The following ADAMTS6 variants were observed in gnomAD, a reference collection of about 807,000 sequenced individuals.
ADAMTS6 encodes the protein ADAM metallopeptidase with thrombospondin type 1 motif 6.
Under a neutral mutation model 144.3 loss-of-function variants are expected in ADAMTS6, and 23 were observed. The observed-to-expected ratio is 0.16, with a 90% CI of 0.11 to 0.23. ADAMTS6 has a LOEUF of 0.23. Among genes scored for constraint, ADAMTS6 ranks in the 10% least tolerant of loss-of-function variants. The pLI, the probability that ADAMTS6 is intolerant of heterozygous loss-of-function variation, is 1.00. For synonymous variants in ADAMTS6, 444 were observed against 457.5 expected, an observed-to-expected ratio of 0.97 and a Z score of 0.38; for missense variants, 999 against 1,379.6, an observed-to-expected ratio of 0.72 and a Z score of 4.37.
At chr5:65,301,407 T>C (rs1175640364) in intron 9 of ADAMTS6, among the ~76,000 whole-genome samples, 2 of 152,154 alleles carry the variant, frequency 1.3e-5, no homozygotes, top group Non-Finnish European at 1.5e-5. Context: ...ATGAGGATAG[T>C]TGCTGGAGAA....
chr5:65,180,447 T>G (rs1161019580), intron 22 of ADAMTS6, among the ~76,000 whole-genome samples: 1 of 152,182 alleles, frequency 6.6e-6, no homozygotes, highest in Non-Finnish European at 1.5e-5. Flanking sequence ...AACCTGGTGC[T>G]GCCTCACTCT....
At chr5:65,402,693 C>A (rs1206202480) in intron 7 of ADAMTS6, among the ~76,000 whole-genome samples, 1 of 95,058 alleles carries the variant, frequency 1.1e-5, no homozygotes, top group Admixed American at 8.7e-5. Flanking sequence ...TCCAAGGACA[C>A]CCCCCCCCAT....
chr5:65,218,070 C>T (rs1757060736), intron 18 of ADAMTS6, among the ~76,000 whole-genome samples: 1 of 152,098 alleles, frequency 6.6e-6, no homozygotes, highest in Non-Finnish European at 1.5e-5. Context: ...GCTGACATAG[C>T]TGGAATATGC....
chr5:65,178,642 G>T (rs988425813), intron 22 of ADAMTS6, among the ~76,000 whole-genome samples: 2 of 152,156 alleles, frequency 1.3e-5, no homozygotes, highest in East Asian at 1.9e-4. Flanking sequence ...GGTTTCCAAA[G>T]CCTGGCCCCA....
intron 8 of ADAMTS6, among the ~76,000 whole-genome samples, chr5:65,332,567 C>T (rs1415228838): frequency 1.3e-5 from 2 of 151,916 alleles, no homozygotes; most frequent in Non-Finnish European, 2.9e-5. Flanking sequence ...AATACCAGTT[C>T]ATTTTTATAA....
At chr5:65,297,548 G>A (rs1013275591) in intron 10 of ADAMTS6, among the ~76,000 whole-genome samples, 1 of 152,098 alleles carries the variant, frequency 6.6e-6, no homozygotes, top group Non-Finnish European at 1.5e-5. Flanking sequence ...AAAATGTTAT[G>A]AGCCTTTTCT....
In ADAMTS6 at chr5:65,170,729, C is replaced by T; in HGVS notation, c.3132G>A (p.Gln1044=). ...ATGCCTGTCCGGTGTAGGAGAGACA[C>T]TGCACAGTTCTCATCTGCTGTCCAA... ...CGLGQQMRTV[Q]CLSYTGQASS... is the part of the protein sequence containing the mutation. Residue 1044 remains glutamine, a synonymous_variant, in exon 24 of 25, where the codon CAG becomes CAA. Transcript: ENST00000381055. 6.2e-7 allele frequency: 1 copy of T among 1,614,194 alleles called. No homozygotes were observed. Among genetic ancestry groups the T allele is most frequent in the South Asian group, 1.1e-5 (1 of 91,088 alleles).
intron 9 of ADAMTS6, among the ~76,000 whole-genome samples, chr5:65,300,642 T>TTG (rs1490492574): frequency 6.6e-6 from 1 of 152,028 alleles, no homozygotes; most frequent in Non-Finnish European, 1.5e-5. Flanking sequence ...TTCTTTCTTT[T>TTG]TTTTTTTGAG....
chr5:65,259,146 C>T (rs112004139), intron 14 of ADAMTS6, among the ~76,000 whole-genome samples: 2,194 of 151,944 alleles, frequency 0.014, 53 homozygotes, highest in African/African-American at 0.05. Flanking sequence ...CACCTGAGGT[C>T]AGGAGTTCGA....
intron 22 of ADAMTS6, among the ~76,000 whole-genome samples, chr5:65,173,903 G>A (rs1753778211): frequency 6.6e-6 from 1 of 151,816 alleles, no homozygotes; most frequent in Non-Finnish European, 1.5e-5. Flanking sequence ...TGTGTCTGTA[G>A]CCCCAGCTAC....
intron 24 of ADAMTS6, among the ~76,000 whole-genome samples, chr5:65,169,651 G>C (rs1456740238): frequency 4.6e-5 from 7 of 150,568 alleles, no homozygotes; most frequent in Non-Finnish European, 8.8e-5. Flanking sequence ...GTCCAACAAT[G>C]ATAGACTGGA....
In ADAMTS6 at chr5:65,369,672, T is replaced by C. The variant is rs528753687; in HGVS notation, c.1074-35587A>G. On this transcript the variant is annotated intron_variant, in intron 7 of 24. Coordinates refer to ENST00000381055, the MANE Select transcript of ADAMTS6 (RefSeq NM_197941.4). ...AGCCTTATGATATCTCATGAGACAA[T>C]ATTAAAATATTTTGACATCTTATTT... 7.2e-5 allele frequency among the ~76,000 whole-genome samples: 11 copies of C among 152,278 alleles called. No individual in the cohort carries two copies. In the South Asian group the frequency reaches 1.9e-3, roughly 26 times the overall value.
intron 22 of ADAMTS6, among the ~76,000 whole-genome samples, chr5:65,182,428 AG>A (rs1754418259): frequency 7.0e-6 from 1 of 142,466 alleles, no homozygotes; most frequent in African/African-American, 2.7e-5. Context: ...TGGGTGACAG[AG>A]CGAGACTCCA....
At chr5:65,269,880 G>A (rs978228080) in intron 12 of ADAMTS6, among the ~76,000 whole-genome samples, 9 of 146,634 alleles carry the variant, frequency 6.1e-5, no homozygotes, top group Non-Finnish European at 1.0e-4. Flanking sequence ...TGCAACCTCC[G>A]CCTCCTGGGT....
At chr5:65,269,291 T>C (rs925558230) in intron 12 of ADAMTS6, among the ~76,000 whole-genome samples, 1 of 152,232 alleles carries the variant, frequency 6.6e-6, no homozygotes, top group Admixed American at 6.5e-5. Flanking sequence ...ATATAGAAAT[T>C]GGTTGTCTCC....
chr5:65,273,816 A>C (rs1450936067), intron 11 of ADAMTS6, among the ~76,000 whole-genome samples: 1 of 152,196 alleles, frequency 6.6e-6, no homozygotes. Context: ...AAACTTACCA[A>C]TTACTAATAA....
intron 18 of ADAMTS6, among the ~76,000 whole-genome samples, chr5:65,221,041 C>T (rs1239208907): frequency 1.3e-5 from 2 of 151,860 alleles, no homozygotes; most frequent in African/African-American, 4.8e-5. Flanking sequence ...ACAAAGACAA[C>T]TCCATTCTAG....
intron 7 of ADAMTS6, among the ~76,000 whole-genome samples, chr5:65,450,116 A>G (rs1758622090): frequency 6.6e-6 from 1 of 152,180 alleles, no homozygotes; most frequent in South Asian, 2.1e-4. Flanking sequence ...CACAATTCCT[A>G]GTATATTTTT....
In ADAMTS6 at chr5:65,293,437, G is replaced by A. The variant is rs574051484; in HGVS notation, c.1371-1967C>T. Among the ~76,000 whole-genome samples the A allele has an allele frequency of 1.6e-4, 24 of 152,152 alleles. No homozygotes were observed. The Middle Eastern group carries it at 0.017, about 108-fold the overall frequency. ...TTCACCTAAGTGACACCAGCTTTTG[G>A]TGACACCAACTTATTTTATTTAAAT... On this transcript the variant is annotated intron_variant, in intron 10 of 24. Transcript: ENST00000381055.
Sources: allele counts gnomAD v4.1 joint callset (sites outside exome capture counted in the v4.1 genomes callset), GRCh38; gene constraint gnomAD v4.1.1; transcripts MANE v1.5; gene names NCBI Gene and HGNC (gene_info 2026-07-23, HGNC 2026-07-21).